CDH8: variants seen among roughly 807,000 people sequenced by gnomAD.
CDH8 encodes cadherin-8.
A neutral mutation model predicts 68.1 loss-of-function variants in CDH8; 17 were observed. The ratio of observed to expected loss-of-function variants is 0.25; its 90% CI spans 0.17 to 0.37. CDH8 has a LOEUF of 0.37. Among genes scored for constraint, CDH8 ranks in the 10% least tolerant of loss-of-function variants. The pLI is 1.00. For synonymous variants in CDH8, 372 were observed against 365.1 expected (o/e 1.02, Z -0.21); for missense variants, 763 against 999.3 (o/e 0.76, Z 3.19).
In CDH8 at chr16:61,762,783, T is replaced by C. The variant is rs530172743; in HGVS notation, c.1414+26563A>G. Among the ~76,000 whole-genome samples the C allele has an allele frequency of 3.9e-5, 6 of 152,302 alleles. No homozygotes were observed. The East Asian group carries it at 7.7e-4, about 20-fold the overall frequency. ...ATGTGTATTATATATGAATAGAGCA[T>C]TGTTACTTATAGCCAATGACTACTG... On this transcript the variant is annotated intron_variant, in intron 8 of 11. Transcript: ENST00000577390.
intron 2 of CDH8, among the ~76,000 whole-genome samples, chr16:61,971,642 A>C (rs1647053635): frequency 6.6e-6 from 1 of 152,156 alleles, no homozygotes; most frequent in African/African-American, 2.4e-5. Context: ...TGATTGATGA[A>C]ATCACTGGCC....
intron 3 of CDH8, among the ~76,000 whole-genome samples, chr16:61,895,091 C>T (rs1963847280): frequency 6.6e-6 from 1 of 152,028 alleles, no homozygotes; most frequent in African/African-American, 2.4e-5. Context: ...GCTCATATTC[C>T]TATATTGAAA....
intron 2 of CDH8, among the ~76,000 whole-genome samples, chr16:61,931,661 G>C (rs1458761700): frequency 6.6e-6 from 1 of 152,150 alleles, no homozygotes; most frequent in African/African-American, 2.4e-5. Context: ...CCCTCAGAAA[G>C]ATTGTGAGGG....
chr16:61,966,934 G>A (rs540922607), intron 2 of CDH8, among the ~76,000 whole-genome samples: 1 of 152,250 alleles, frequency 6.6e-6, no homozygotes, highest in Non-Finnish European at 1.5e-5. Flanking sequence ...GCCAGGCATG[G>A]TGGCTCACAC....
intron 2 of CDH8, among the ~76,000 whole-genome samples, chr16:61,962,896 G>C (rs1252926215): frequency 6.6e-6 from 1 of 151,990 alleles, no homozygotes; most frequent in Admixed American, 6.6e-5. Context: ...ATAAAGCAAA[G>C]TTATGTAACA....
At chr16:61,765,662 TAAAATATGAAA>T (rs1960572333) in intron 8 of CDH8, among the ~76,000 whole-genome samples, 2 of 152,198 alleles carry the variant, frequency 1.3e-5, no homozygotes, top group African/African-American at 4.8e-5. Context: ...TTTATTGTTT[TAAAATATGAAA>T]CTAAATGAAA....
At chr16:61,887,618 C>A (rs1963698717) in intron 3 of CDH8, among the ~76,000 whole-genome samples, 2 of 152,020 alleles carry the variant, frequency 1.3e-5, no homozygotes, top group Non-Finnish European at 1.5e-5. Context: ...AGCATTAGGA[C>A]CCACCATGTG....
At chr16:61,719,125 AC>A (rs2142877427) in intron 9 of CDH8, among the ~76,000 whole-genome samples, 1 of 140,594 alleles carries the variant, frequency 7.1e-6, no homozygotes, top group Admixed American at 7.4e-5. Flanking sequence ...TAATGAGCTC[AC>A]CATTTTTTTT....
intron 2 of CDH8, among the ~76,000 whole-genome samples, chr16:61,992,150 T>G (rs1965736529): frequency 6.6e-6 from 1 of 150,406 alleles, no homozygotes; most frequent in Non-Finnish European, 1.5e-5. Flanking sequence ...TGCACTAAGG[T>G]GAAGAAGAAA....
intron 1 of CDH8, among the ~76,000 whole-genome samples, chr16:62,034,217 A>ACACACACGCG (rs1039068798): frequency 4.6e-5 from 7 of 151,368 alleles, no homozygotes; most frequent in African/African-American, 1.7e-4. Context: ...ACACACACAC[A>ACACACACGCG]CGCACACGAA....
intron 8 of CDH8, among the ~76,000 whole-genome samples, chr16:61,775,120 T>C (rs1229682467): frequency 1.3e-5 from 2 of 152,098 alleles, no homozygotes; most frequent in Admixed American, 1.3e-4. Context: ...CCCCAGCATT[T>C]TGGGAGGCCG....
chr16:61,935,038 T>A (rs528696930), intron 2 of CDH8, among the ~76,000 whole-genome samples: 19 of 152,308 alleles, frequency 1.2e-4, no homozygotes, highest in African/African-American at 4.6e-4. Context: ...TTGCATCTTT[T>A]GCAAAGCCGT....
At chr16:61,918,876 C>A (rs1023731124) in intron 2 of CDH8, among the ~76,000 whole-genome samples, 133 of 150,978 alleles carry the variant, frequency 8.8e-4, no homozygotes, top group African/African-American at 3.2e-3. Context: ...CACAGACAAA[C>A]AAAAAGACAG....
chr16:61,776,788 C>T (rs919518194), intron 8 of CDH8, among the ~76,000 whole-genome samples: 1 of 151,842 alleles, frequency 6.6e-6, no homozygotes, highest in Non-Finnish European at 1.5e-5. Context: ...AAGATTATAG[C>T]TCTTAAATAT....
chr16:61,946,114 CT>C (rs1485321334), intron 2 of CDH8, among the ~76,000 whole-genome samples: 2 of 152,184 alleles, frequency 1.3e-5, no homozygotes, highest in Non-Finnish European at 2.9e-5. Flanking sequence ...TAATATCCCA[CT>C]TGCACACAGG....
chr16:61,982,258 C>G (rs113428809), intron 2 of CDH8, among the ~76,000 whole-genome samples: 2 of 151,984 alleles, frequency 1.3e-5, no homozygotes, highest in Admixed American at 6.6e-5. Flanking sequence ...CTCGCTCTAT[C>G]GCCCAGGCTG....
At chr16:61,869,499 A>T (rs1159879051) in intron 3 of CDH8, among the ~76,000 whole-genome samples, 1 of 152,216 alleles carries the variant, frequency 6.6e-6, no homozygotes, top group Non-Finnish European at 1.5e-5. Context: ...GTTATAGTAC[A>T]TGAACAATGT....
At chr16:61,879,673 C>T (rs568307298) in intron 3 of CDH8, among the ~76,000 whole-genome samples, 6 of 152,132 alleles carry the variant, frequency 3.9e-5, no homozygotes, top group Non-Finnish European at 7.4e-5. Flanking sequence ...TTGAAATCTT[C>T]AGAGAGAACG....
At chr16:61,775,604 C>A (rs979040313) in intron 8 of CDH8, among the ~76,000 whole-genome samples, 3 of 152,004 alleles carry the variant, frequency 2.0e-5, no homozygotes, top group Non-Finnish European at 2.9e-5. Context: ...GCTTGCTCAC[C>A]GGGGCTTCCT....
Sources: allele counts gnomAD v4.1 joint callset (sites outside exome capture counted in the v4.1 genomes callset), GRCh38; gene constraint gnomAD v4.1.1; transcripts MANE v1.5; gene names NCBI Gene and HGNC (gene_info 2026-07-23, HGNC 2026-07-21).